ADARB1: variants seen among roughly 807,000 people sequenced by gnomAD.
ADARB1 encodes the protein double-stranded RNA-specific editase 1.
ADARB1 carries 10 observed loss-of-function variants against 52.4 expected under a neutral mutation model. The ratio of observed to expected loss-of-function variants is 0.19; its 90% CI spans 0.12 to 0.32. The LOEUF (loss-of-function observed/expected upper bound fraction) is 0.32, where lower values mean the gene tolerates loss of function less well. ADARB1 is among the 10% of genes least tolerant of loss of function. The pLI is 1.00. For synonymous variants in ADARB1, 349 were observed against 371.1 expected (o/e 0.94, Z 0.68); for missense variants, 643 against 922.3 (o/e 0.70, Z 3.92).
At position 45,185,100 on chromosome 21, in the gene ADARB1, C is replaced by T. The variant is rs3804035; in HGVS notation, c.1565+9C>T. The T allele has an allele frequency of 5.6e-4, 902 of 1,612,180 alleles. 7 individuals are homozygous for T. The East Asian group carries it at 0.016, about 28-fold the overall frequency. On this transcript the variant is annotated intron_variant, in intron 8 of 10. Transcript: ENST00000348831. ...AGTGACAAGATTGCACGGTAAGGGG[C>T]GGGGGCTCCCTGTGGCCACCTCCCT... is the stretch of plus-strand genomic sequence containing the variant.
chr21:45,129,912 G>A (rs1390492254), intron 2 of ADARB1, among the ~76,000 whole-genome samples: 2 of 152,188 alleles, frequency 1.3e-5, no homozygotes, highest in African/African-American at 4.8e-5. Context: ...TGGTTCCCTA[G>A]CGAGACCTTT....
intron 9 of ADARB1, among the ~76,000 whole-genome samples, chr21:45,209,371 T>A (rs1008387828): frequency 1.3e-5 from 2 of 152,234 alleles, no homozygotes; most frequent in Non-Finnish European, 2.9e-5. Flanking sequence ...TAACTCCACA[T>A]CCAGATTTAT....
intron 2 of ADARB1, among the ~76,000 whole-genome samples, chr21:45,149,507 C>A (rs1188303184): frequency 6.6e-6 from 1 of 152,220 alleles, no homozygotes; most frequent in East Asian, 1.9e-4. Context: ...GTTGTGTCTT[C>A]TTCTTTGACA....
intron 2 of ADARB1, among the ~76,000 whole-genome samples, chr21:45,153,006 A>G (rs1024490426): frequency 6.6e-6 from 1 of 152,242 alleles, no homozygotes; most frequent in Non-Finnish European, 1.5e-5. Context: ...GCTTTGAGCT[A>G]CAGAAAAGGT....
At chr21:45,215,609 A>G (rs564443547) in intron 9 of ADARB1, among the ~76,000 whole-genome samples, 1 of 152,296 alleles carries the variant, frequency 6.6e-6, no homozygotes, top group African/African-American at 2.4e-5. Flanking sequence ...CAACAACAAC[A>G]AAAAATGAGA....
rs1469885184 is a variant in ADARB1, at chr21:45,157,126, A to C, written c.-47-14484A>C. On this transcript the variant is annotated intron_variant, in intron 2 of 10. Transcript: ENST00000348831. The surrounding 1 kb of genome is among the most constrained non-coding windows in gnomAD (Gnocchi z 4.1). ...TGCTGATGGGCCTCGCAGCACAAGA[A>C]AGACTCTGCTGCCTGGGCAGGAGCT... Among the ~76,000 whole-genome samples, 1 of 152,108 alleles carries C rather than the reference A, an allele frequency of 6.6e-6. No homozygotes were observed. The highest frequency in any genetic ancestry group is 2.4e-5 in the African/African-American group (1 of 41,344).
At chr21:45,178,510 G>A (rs189551803) in intron 4 of ADARB1, among the ~76,000 whole-genome samples, 5 of 152,328 alleles carry the variant, frequency 3.3e-5, no homozygotes, top group African/African-American at 4.8e-5. Context: ...GGATAGCCCC[G>A]GAATGTGACG....
At chr21:45,162,651 C>G (rs1277291027) in intron 2 of ADARB1, among the ~76,000 whole-genome samples, 1 of 152,230 alleles carries the variant, frequency 6.6e-6, no homozygotes, top group African/African-American at 2.4e-5. Flanking sequence ...GCATGCAGAT[C>G]TGTCCATGAA....
At chr21:45,106,408 A>G (rs1475393028) in intron 1 of ADARB1, among the ~76,000 whole-genome samples, 1 of 152,100 alleles carries the variant, frequency 6.6e-6, no homozygotes, top group Non-Finnish European at 1.5e-5. Context: ...AGGCCATCCT[A>G]AATACGTGAC....
intron 2 of ADARB1, among the ~76,000 whole-genome samples, chr21:45,156,403 C>T (rs1386650882): frequency 4.0e-5 from 6 of 150,768 alleles, no homozygotes; most frequent in Non-Finnish European, 8.9e-5. Context: ...ATCCATCCAT[C>T]CACCCACCCA....
intron 3 of ADARB1, among the ~76,000 whole-genome samples, chr21:45,173,719 G>T (rs967051418): frequency 6.6e-6 from 1 of 150,646 alleles, no homozygotes; most frequent in Admixed American, 6.6e-5. Context: ...TTCCATCTTG[G>T]CTCTATTTTT....
In ADARB1 at chr21:45,183,369, G is replaced by A; in HGVS notation, c.1255G>A (p.Asp419Asn). The A allele has an allele frequency of 1.3e-6, 2 of 1,597,424 alleles. No individual in the cohort carries two copies. The highest frequency in any genetic ancestry group is 1.7e-6 in the Non-Finnish European group (2 of 1,175,392). The change falls in exon 7 of 11, where the codon GAT becomes AAT. Residue 419 changes from aspartate to asparagine, a missense_variant. Around this residue, in one of 2 missense-constraint regions of ADARB1, gnomAD observed 263 missense variants for 475.8 expected, o/e 0.55. Transcript: ENST00000348831. Reference protein sequence around the residue: ...TQLELYLNNKDDQKRSIFQKS... With the variant: ...TQLELYLNNKNDQKRSIFQKS... ...CAACTTTTTTCCTTTCAGTAACAAAGATGATCAAAAAAGATCCATCTTTCA... is the reference window on the plus strand; with the variant it reads ...CAACTTTTTTCCTTTCAGTAACAAAAATGATCAAAAAAGATCCATCTTTCA...
chr21:45,139,208 A>C (rs1373943573), intron 2 of ADARB1, among the ~76,000 whole-genome samples: 1 of 152,124 alleles, frequency 6.6e-6, no homozygotes, highest in Non-Finnish European at 1.5e-5. Flanking sequence ...GGCGTGAGTC[A>C]CTGCTCCCAG....
chr21:45,092,632 G>A (rs2086604382), intron 1 of ADARB1, among the ~76,000 whole-genome samples: 1 of 151,888 alleles, frequency 6.6e-6, no homozygotes, highest in South Asian at 2.1e-4. Flanking sequence ...TCTATTTATT[G>A]GTATTTACAA....
chr21:45,135,851 CTG>C lies in ADARB1; in HGVS notation c.-48+7281_-48+7282del, dbSNP rs1601523671. Among the ~76,000 whole-genome samples the C allele has an allele frequency of 2.0e-5, 3 of 152,210 alleles. No homozygotes were observed. The East Asian group carries it at 5.8e-4, about 29-fold the overall frequency. On this transcript the variant is annotated intron_variant, in intron 2 of 10. Coordinates refer to ENST00000348831, the MANE Select transcript of ADARB1 (RefSeq NM_001112.4). ...GGACTGCAGGTGGGCCCAGTGGAGA[CTG>C]TGCTGCCCCTCACCCTCCCCGGTGG...
chr21:45,188,857 C>T (rs936628320), intron 8 of ADARB1, among the ~76,000 whole-genome samples: 3 of 152,058 alleles, frequency 2.0e-5, no homozygotes, highest in Admixed American at 6.6e-5. Context: ...TAAAGACATA[C>T]CTGAGACTGG....
chr21:45,163,699 G>T (rs1290358457), intron 2 of ADARB1, among the ~76,000 whole-genome samples: 1 of 152,208 alleles, frequency 6.6e-6, no homozygotes, highest in Non-Finnish European at 1.5e-5. Context: ...ACCTCCTGGG[G>T]GCTGCTGGGG....
intron 9 of ADARB1, among the ~76,000 whole-genome samples, chr21:45,218,249 G>T (rs1056064092): frequency 6.6e-6 from 1 of 151,758 alleles, no homozygotes; most frequent in Admixed American, 6.6e-5. Context: ...TTCTCTCTTT[G>T]TGTTTCATTT....
At chr21:45,178,663 T>C (rs2091801295) in intron 4 of ADARB1, among the ~76,000 whole-genome samples, 1 of 152,198 alleles carries the variant, frequency 6.6e-6, no homozygotes, top group African/African-American at 2.4e-5. Context: ...AGAGTAACCC[T>C]TGAAGGACGT....
Sources: allele counts gnomAD v4.1 joint callset (sites outside exome capture counted in the v4.1 genomes callset), GRCh38; gene constraint gnomAD v4.1.1; regional missense constraint gnomAD v4.1.1; non-coding constraint Gnocchi (gnomAD v3.1); transcripts MANE v1.5; gene names NCBI Gene and HGNC (gene_info 2026-07-23, HGNC 2026-07-21).